VDAC1: variants seen among roughly 807,000 people sequenced by gnomAD.
VDAC1 encodes non-selective voltage-gated ion channel VDAC1.
In VDAC1, 10 loss-of-function variants were observed where a neutral mutation model predicts 34.7. That is an observed-to-expected ratio of 0.29 (90% CI 0.18 to 0.49). VDAC1 has a LOEUF of 0.49. VDAC1 is among the 20% of genes least tolerant of loss of function. The pLI, the probability that VDAC1 is intolerant of heterozygous loss-of-function variation, is 0.99. For missense variants in VDAC1, 230 were observed against 347.9 expected, an observed-to-expected ratio of 0.66 and a Z score of 2.69; for synonymous variants, 130 against 136.0, an observed-to-expected ratio of 0.96 and a Z score of 0.30.
chr5:134,030,709 G>A, the VDAC1 span, among the ~76,000 whole-genome samples: 6 of 151,936 alleles, frequency 3.9e-5, no homozygotes, highest in East Asian at 1.2e-3. Context: ...CCAGGTTCAA[G>A]TGATTCTCCT....
chr5:133,994,703 A>G (rs1406426667), intron 1 of VDAC1, among the ~76,000 whole-genome samples: 1 of 151,978 alleles, frequency 6.6e-6, no homozygotes, highest in Admixed American at 6.6e-5. Flanking sequence ...AGGCAATGTA[A>G]CCCCAGGCAG....
the VDAC1 span, among the ~76,000 whole-genome samples, chr5:134,056,063 AC>A: frequency 6.6e-6 from 1 of 151,798 alleles, no homozygotes; most frequent in Non-Finnish European, 1.5e-5. Context: ...ATATGGTGAA[AC>A]CCCATCTCTA....
At chr5:134,113,807 T>G in the VDAC1 span, among the ~76,000 whole-genome samples, 1 of 152,212 alleles carries the variant, frequency 6.6e-6, no homozygotes, top group Non-Finnish European at 1.5e-5. Context: ...GTTAGAGGGT[T>G]AGTCAGGCCA....
At chr5:134,090,177 T>C in the VDAC1 span, among the ~76,000 whole-genome samples, 1 of 152,178 alleles carries the variant, frequency 6.6e-6, no homozygotes, top group Non-Finnish European at 1.5e-5. Flanking sequence ...GCTGCCTGAA[T>C]GTCCTCTCAC....
the VDAC1 span, among the ~76,000 whole-genome samples, chr5:134,057,003 T>C: frequency 6.6e-6 from 1 of 152,150 alleles, no homozygotes; most frequent in African/African-American, 2.4e-5. Flanking sequence ...ATTTTCTATA[T>C]GAAGTGTTCT....
the VDAC1 span, among the ~76,000 whole-genome samples, chr5:134,088,187 A>C: frequency 8.5e-5 from 13 of 152,082 alleles, no homozygotes; most frequent in Admixed American, 2.0e-4. Context: ...CAAAACAAAA[A>C]AAACAAGCAG....
chr5:134,101,558 CA>C, the VDAC1 span, among the ~76,000 whole-genome samples: 6,915 of 133,948 alleles, frequency 0.052, 473 homozygotes, highest in African/African-American at 0.17. Context: ...GACTCTGTCT[CA>C]AAAAAAAAAA....
chr5:133,987,759 T>C (rs1752960793), intron 5 of VDAC1, among the ~76,000 whole-genome samples: 1 of 152,208 alleles, frequency 6.6e-6, no homozygotes, highest in Non-Finnish European at 1.5e-5. Flanking sequence ...TCAAAGTGTC[T>C]ACCCACAAGA....
chr5:134,094,902 G>C, the VDAC1 span, among the ~76,000 whole-genome samples: 1 of 152,248 alleles, frequency 6.6e-6, no homozygotes, highest in South Asian at 2.1e-4. Flanking sequence ...AAAGGCCTGG[G>C]GAAACCCAAG....
At chr5:134,107,644 A>G in the VDAC1 span, among the ~76,000 whole-genome samples, 3 of 152,300 alleles carry the variant, frequency 2.0e-5, no homozygotes, top group East Asian at 5.8e-4. Context: ...AGGATTGCAA[A>G]GGCAGCTGCT....
chr5:134,097,007 T>C, the VDAC1 span, among the ~76,000 whole-genome samples: 1 of 152,236 alleles, frequency 6.6e-6, no homozygotes, highest in Admixed American at 6.5e-5. Flanking sequence ...TGCTAGAGAC[T>C]CGTGGTCCCA....
the VDAC1 span, among the ~76,000 whole-genome samples, chr5:134,097,877 C>CT: frequency 9.8e-4 from 146 of 148,742 alleles, no homozygotes; most frequent in East Asian, 4.3e-3. Context: ...TTCTTTCTTT[C>CT]TTTTTTTTTT....
chr5:134,104,032 C>G, the VDAC1 span, among the ~76,000 whole-genome samples: 1 of 152,174 alleles, frequency 6.6e-6, no homozygotes, highest in Non-Finnish European at 1.5e-5. Context: ...GGGACCCACC[C>G]GGCCCACCCT....
At chr5:134,065,206 A>T in the VDAC1 span, among the ~76,000 whole-genome samples, 1 of 151,818 alleles carries the variant, frequency 6.6e-6, no homozygotes, top group East Asian at 1.9e-4. Flanking sequence ...AATTTATATG[A>T]TGTTTTAATG....
chr5:134,026,007 G>A, the VDAC1 span, among the ~76,000 whole-genome samples: 1 of 152,100 alleles, frequency 6.6e-6, no homozygotes, highest in Admixed American at 6.6e-5. Flanking sequence ...GCCTGGGGGA[G>A]GGAGTTGCCT....
chr5:134,054,000 T>G, the VDAC1 span, among the ~76,000 whole-genome samples: 3 of 152,230 alleles, frequency 2.0e-5, no homozygotes, highest in Admixed American at 2.0e-4. Flanking sequence ...CTGCTGTTTG[T>G]CACTGACAAT....
At chr5:134,063,406 C>T in the VDAC1 span, among the ~76,000 whole-genome samples, 1 of 152,184 alleles carries the variant, frequency 6.6e-6, no homozygotes, top group Admixed American at 6.6e-5. Context: ...CTGTCTCTAT[C>T]CCTGTATCCT....
chr5:133,973,973 T>G, intron 7 of VDAC1, 125 bp from the exon 8 acceptor site: 1 of 757,316 alleles, frequency 1.3e-6, no homozygotes, highest in Non-Finnish European at 2.2e-6. Flanking sequence ...CATGACCACC[T>G]TGTTCATGAG....
At chr5:134,045,005 C>T in the VDAC1 span, among the ~76,000 whole-genome samples, 2 of 152,196 alleles carry the variant, frequency 1.3e-5, no homozygotes, top group African/African-American at 4.8e-5. Context: ...GGTTCCAAGA[C>T]AATGCCCAGA....
Sources: allele counts gnomAD v4.1 joint callset (sites outside exome capture counted in the v4.1 genomes callset), GRCh38; gene constraint gnomAD v4.1.1; transcripts MANE v1.5; gene names NCBI Gene and HGNC (gene_info 2026-07-23, HGNC 2026-07-21).